Variants in SMNDC1 observed in about 807,000 individuals in gnomAD.
SMNDC1 encodes survival motor neuron domain containing 1, also known as survival of motor neuron-related-splicing factor 30.
A neutral mutation model predicts 29.2 loss-of-function variants in SMNDC1; 5 were observed. That is an observed-to-expected ratio of 0.17 (90% CI 0.09 to 0.36). SMNDC1 has a LOEUF of 0.36. Among genes scored for constraint, SMNDC1 ranks in the 10% least tolerant of loss-of-function variants. SMNDC1 has a pLI of 1.00. For missense variants in SMNDC1, 142 were observed against 268.5 expected, an observed-to-expected ratio of 0.53 and a Z score of 3.29; for synonymous variants, 80 against 89.9, an observed-to-expected ratio of 0.89 and a Z score of 0.62.
Position 110,293,908 on chromosome 10 carries a change from GC to G in SMNDC1, c.*241del. ...ATTCATCTAAGTGCTGTATGAAACAGCATCTACAAAAGTTGCTTTATTCAAC... is the reference window on the plus strand; with the variant it reads ...ATTCATCTAAGTGCTGTATGAAACAGATCTACAAAAGTTGCTTTATTCAAC... On this transcript the variant is annotated 3_prime_UTR_variant, in exon 6 of 6. Transcript: ENST00000369603. The G allele has an allele frequency of 3.1e-6, 1 of 318,424 alleles. No homozygotes were observed. The highest frequency in any genetic ancestry group is 5.7e-6 in the Non-Finnish European group (1 of 174,076). The allele number at this position is 318,424 out of a possible 1,614,324, so 19.7% of individuals were successfully genotyped here. A position where few individuals can be genotyped will look rare whatever the true frequency, so the allele number is the denominator to read the frequency against.
chr10:110,297,682 C>T lies in SMNDC1; in HGVS notation c.310G>A (p.Ala104Thr), dbSNP rs1470044017. The T allele has an allele frequency of 1.2e-6, 2 of 1,613,954 alleles. No homozygotes were observed. The highest frequency in any genetic ancestry group is 1.7e-6 in the Non-Finnish European group (2 of 1,179,928). The change falls in exon 4 of 6, where the codon GCT becomes ACT. Residue 104 changes from alanine (A) to threonine (T), a missense_variant. By Grantham distance (58) the Ala-to-Thr change is moderately conservative (BLOSUM62 0). Transcript: ENST00000369603. ...IEEIDEENGT[A>T]AITFAGYGNA... ...CCATAACCAGCAAAGGTGATTGCAGCGGTGCCATTTTCTTCATCTATCTCC... is the reference window on the plus strand; with the variant it reads ...CCATAACCAGCAAAGGTGATTGCAGTGGTGCCATTTTCTTCATCTATCTCC...
chr10:110,303,655 C>T (rs1159052356), intron 1 of SMNDC1, 68 bp from the exon 2 acceptor site: 1 of 1,489,148 alleles, frequency 6.7e-7, no homozygotes, highest in African/African-American at 1.5e-5. Context: ...AAACTAACTC[C>T]CCTGTCTGCC....
chr10:110,293,876 AT>A lies in SMNDC1; in HGVS notation c.*273del, dbSNP rs1311336900. On this transcript the variant is annotated 3_prime_UTR_variant, in exon 6 of 6. Transcript: ENST00000369603. ...TAAGTAGGCGCCTGATATTAGGAAGATCAATAATTCATCTAAGTGCTGTATG... is the reference window on the plus strand; with the variant it reads ...TAAGTAGGCGCCTGATATTAGGAAGACAATAATTCATCTAAGTGCTGTATG... The A allele has an allele frequency of 2.1e-5, 5 of 237,350 alleles. No homozygotes were observed. Among genetic ancestry groups the A allele is most frequent in the African/African-American group, 1.1e-4 (5 of 44,282 alleles). The allele number at this position is 237,350 out of a possible 1,614,324, so 14.7% of individuals were successfully genotyped here.
intron 5 of SMNDC1, 88 bp downstream of exon 5, chr10:110,295,139 AC>A (rs1247879938): frequency 1.6e-5 from 20 of 1,255,322 alleles, no homozygotes; most frequent in East Asian, 2.5e-5. Context: ...ATCATACTTT[AC>A]AAAAAATCTC....
At chr10:110,296,125 T>C (rs776917171) in intron 4 of SMNDC1, among the ~76,000 whole-genome samples, 5 of 152,214 alleles carry the variant, frequency 3.3e-5, no homozygotes, top group South Asian at 2.1e-4. Flanking sequence ...TTTACCTACA[T>C]TGGAAGAATG....
At chr10:110,300,657 C>A in intron 2 of SMNDC1, 2 of 985,404 alleles carry the variant, frequency 2.0e-6, no homozygotes, top group Non-Finnish European at 2.4e-6. Flanking sequence ...GTGTTGTGAT[C>A]TACATATCAG....
In SMNDC1 at chr10:110,298,665, G is replaced by A; in HGVS notation, c.246C>T (p.Val82=). Reference sequence around the variant, plus strand: ...ACACTTACTGTCCATCTTCACTCCAGACTGCCATACACTTGTCTCCTACTT... The same window carrying A: ...ACACTTACTGTCCATCTTCACTCCAAACTGCCATACACTTGTCTCCTACTT... The part of the protein sequence containing the change: ...SWKVGDKCMA[V]WSEDGQCYEA... Residue 82 remains valine (V), a synonymous_variant, in exon 3 of 6, where the codon GTC becomes GTT. Coordinates refer to ENST00000369603, the MANE Select transcript of SMNDC1 (RefSeq NM_005871.4). The A allele has an allele frequency of 1.9e-6, 3 of 1,610,994 alleles. No individual in the cohort carries two copies. Among genetic ancestry groups the A allele is most frequent in the Non-Finnish European group, 2.5e-6 (3 of 1,178,506 alleles).
intron 2 of SMNDC1, 158 bp from the exon 3 acceptor site, chr10:110,298,948 A>G: frequency 3.6e-6 from 2 of 557,368 alleles, no homozygotes; most frequent in Non-Finnish European, 6.3e-6. Context: ...ATCCCCATGT[A>G]GAAACTGATA....
intron 1 of SMNDC1, chr10:110,303,846 A>C (rs1321177542): frequency 5.1e-6 from 2 of 392,444 alleles, no homozygotes; most frequent in East Asian, 5.1e-5. Context: ...AGAAATTTCT[A>C]ATTTTCTTTT....
rs1055080871 is a variant in SMNDC1 at position 110,293,866 on chromosome 10, T to C, written c.*284A>G. The C allele has an allele frequency of 1.8e-5, 4 of 220,646 alleles. No individual in the cohort carries two copies. Among genetic ancestry groups the C allele is most frequent in the Admixed American group, 5.4e-5 (1 of 18,410 alleles). 13.7% of individuals were successfully genotyped at this position (220,646 alleles called of 1,614,324 possible). ...CACCATAGGTTAAGTAGGCGCCTGATATTAGGAAGATCAATAATTCATCTA... is the reference window on the plus strand; with the variant it reads ...CACCATAGGTTAAGTAGGCGCCTGACATTAGGAAGATCAATAATTCATCTA... On this transcript the variant is annotated 3_prime_UTR_variant, in exon 6 of 6. Transcript: ENST00000369603.
Position 110,297,686 on chromosome 10 carries a change from G to A in SMNDC1, c.306C>T (p.Gly102=), listed in dbSNP as rs1299843074. 10 of 1,613,800 alleles carry A rather than the reference G, an allele frequency of 6.2e-6. No individual in the cohort carries two copies. The highest frequency in any genetic ancestry group is 1.3e-5 in the African/African-American group (1 of 74,868). The change falls in exon 4 of 6, where the codon GGC becomes GGT. Residue 102 remains glycine (G), a synonymous_variant. Transcript: ENST00000369603. The part of the protein sequence containing the change: ...AEIEEIDEEN[G]TAAITFAGYG... ...AACCAGCAAAGGTGATTGCAGCGGT[G>A]CCATTTTCTTCATCTATCTCCTCAA...
chr10:110,294,649 A>G (rs990749457), intron 5 of SMNDC1, among the ~76,000 whole-genome samples: 4 of 152,224 alleles, frequency 2.6e-5, no homozygotes, highest in African/African-American at 9.6e-5. Flanking sequence ...ATGATAGCCA[A>G]ATTGTGAAGT....
At chr10:110,294,533 G>A (rs978731669) in intron 5 of SMNDC1, among the ~76,000 whole-genome samples, 18 of 152,088 alleles carry the variant, frequency 1.2e-4, no homozygotes, top group Admixed American at 2.0e-4. Context: ...CTTCTGATAC[G>A]TCAAAATTTT....
In SMNDC1 at chr10:110,299,103, C is replaced by G. The variant is rs1857609310; in HGVS notation, c.121-313G>C. Reference sequence around the variant, plus strand: ...AAGTGCCTATTTTAGCTGAATAGATCTCTCTAAAGATGAGAAAGTCAAGTA... The same window carrying G: ...AAGTGCCTATTTTAGCTGAATAGATGTCTCTAAAGATGAGAAAGTCAAGTA... On this transcript the variant is annotated intron_variant, in intron 2 of 5. Transcript: ENST00000369603. Among the ~76,000 whole-genome samples the G allele has an allele frequency of 2.6e-5, 4 of 152,180 alleles. No homozygotes were observed. The South Asian group carries it at 8.3e-4, about 32-fold the overall frequency.
rs1857500808 is a variant in SMNDC1 at position 110,291,621 on chromosome 10, CAG to C, written c.*2527_*2528del. On this transcript the variant is annotated 3_prime_UTR_variant, in exon 6 of 6. Transcript: ENST00000369603. Reference sequence around the variant, plus strand: ...TTGAATTCAATCCTTAAAACTGAAACAGATTTTTCCATTCTACAGCTGAGAAA... The same window carrying C: ...TTGAATTCAATCCTTAAAACTGAAACATTTTTCCATTCTACAGCTGAGAAA... 1 of 152,156 alleles carries C rather than the reference CAG, an allele frequency of 6.6e-6. No homozygotes were observed. The highest frequency in any genetic ancestry group is 2.1e-4 in the South Asian group (1 of 4,834). 9.4% of individuals were successfully genotyped at this position (152,156 alleles called of 1,614,324 possible).
chr10:110,297,871 A>G, intron 3 of SMNDC1, 143 bp from the exon 4 acceptor site: 3 of 723,670 alleles, frequency 4.1e-6, no homozygotes, highest in Non-Finnish European at 6.4e-6. Context: ...AGAGAATACA[A>G]AAGAGTGGTT....
At chr10:110,302,117 GAAAGCACT>G (rs1857659695) in intron 2 of SMNDC1, among the ~76,000 whole-genome samples, 2 of 152,304 alleles carry the variant, frequency 1.3e-5, no homozygotes, top group African/African-American at 4.8e-5. Context: ...GGGGCAAACA[GAAAGCACT>G]TTACAGAGTG....
intron 4 of SMNDC1, among the ~76,000 whole-genome samples, chr10:110,296,524 T>C (rs1345778720): frequency 6.6e-6 from 1 of 152,206 alleles, no homozygotes; most frequent in South Asian, 2.1e-4. Context: ...GACTAAGTTG[T>C]GGCAAATATG....
chr10:110,296,526 G>A (rs1857564821), intron 4 of SMNDC1, among the ~76,000 whole-genome samples: 1 of 152,116 alleles, frequency 6.6e-6, no homozygotes. Context: ...CTAAGTTGTG[G>A]CAAATATGCA....
Sources: gnomAD v4.1 joint callset for allele counts (sites outside exome capture counted in the v4.1 genomes callset) on GRCh38, gnomAD v4.1.1 for gene constraint, MANE v1.5 for transcripts, NCBI Gene and HGNC (gene_info 2026-07-23, HGNC 2026-07-21) for gene names.